Variants in CAMKMT observed in about 807,000 individuals in gnomAD.
CAMKMT encodes the protein calmodulin-lysine N-methyltransferase.
Under a neutral mutation model 48.0 loss-of-function variants are expected in CAMKMT, and 53 were observed. That is an observed-to-expected ratio of 1.10 (90% CI 0.89 to 1.39). The LOEUF is 1.39. CAMKMT is among the 40% of genes most tolerant of loss of function. CAMKMT has a pLI of 0.00. For missense variants in CAMKMT, 428 were observed against 402.7 expected, an observed-to-expected ratio of 1.06 and a Z score of -0.54; for synonymous variants, 165 against 152.3, an observed-to-expected ratio of 1.08 and a Z score of -0.61.
intron 3 of CAMKMT, among the ~76,000 whole-genome samples, chr2:44,576,623 T>C (rs1161769466): frequency 6.6e-6 from 1 of 152,156 alleles, no homozygotes; most frequent in African/African-American, 2.4e-5. Flanking sequence ...ATTTTGTGAC[T>C]TACACTGATA....
intron 2 of CAMKMT, among the ~76,000 whole-genome samples, 175 bp from the exon 3 acceptor site, chr2:44,390,066 A>G (rs1219944790): frequency 6.6e-6 from 1 of 152,182 alleles, no homozygotes; most frequent in Non-Finnish European, 1.5e-5. Context: ...TGAGGACCAT[A>G]CTGTTATTTC....
intron 8 of CAMKMT, among the ~76,000 whole-genome samples, chr2:44,750,681 C>T (rs1233661343): frequency 6.6e-6 from 1 of 152,148 alleles, no homozygotes; most frequent in Non-Finnish European, 1.5e-5. Flanking sequence ...TCTACTGTGT[C>T]CTCAGCTGTT....
chr2:44,597,735 G>C (rs1257302041), intron 3 of CAMKMT, among the ~76,000 whole-genome samples: 1 of 151,910 alleles, frequency 6.6e-6, no homozygotes, highest in African/African-American at 2.4e-5. Context: ...TTTTTTGTTT[G>C]TTTGTTTGTT....
rs537607789 is a variant in CAMKMT, at chr2:44,563,290, C to T, written c.377-140993C>T. Among the ~76,000 whole-genome samples, 6 of 151,610 alleles carry T rather than the reference C, an allele frequency of 4.0e-5. No homozygotes were observed. The South Asian group carries it at 8.5e-4, about 21-fold the overall frequency. The stretch of plus-strand genomic sequence containing the variant: ...TTATACTACCTGTACTGTTTTATAA[C>T]CTGACTTTTTTTACTTCAAAATGTA... On this transcript the variant is annotated intron_variant, in intron 3 of 10. Transcript: ENST00000378494.
intron 3 of CAMKMT, among the ~76,000 whole-genome samples, chr2:44,574,380 T>C (rs1237895972): frequency 2.0e-5 from 3 of 152,136 alleles, no homozygotes; most frequent in African/African-American, 7.2e-5. Context: ...CGGCCCCTAA[T>C]TATCTGATAT....
rs1388952197 is a variant in CAMKMT, at chr2:44,362,210, C to G, written c.138+65C>G. On this transcript the variant is annotated intron_variant, in intron 1 of 10. Coordinates refer to ENST00000378494, the MANE Select transcript of CAMKMT (RefSeq NM_024766.5). ...ACTCCTCTCTCACGTACCGGGGGAG[C>G]GACTGTTCGCAGTTCTTTCCTCTTG... is the stretch of plus-strand genomic sequence containing the variant. 3 of 1,331,748 alleles carry G rather than the reference C, an allele frequency of 2.3e-6. No individual in the cohort carries two copies. The African/African-American group carries it at 4.7e-5, about 21-fold the overall frequency. 82.5% of individuals were successfully genotyped at this position (1,331,748 alleles called of 1,614,324 possible).
chr2:44,362,170 C>A, intron 1 of CAMKMT, 25 bp downstream of exon 1: 2 of 1,448,110 alleles, frequency 1.4e-6, no homozygotes, highest in Non-Finnish European at 9.0e-7. Context: ...GCTCGCCTCA[C>A]CTTTGCCTCT....
intron 3 of CAMKMT, among the ~76,000 whole-genome samples, chr2:44,488,535 C>G (rs1395958773): frequency 2.0e-5 from 3 of 151,528 alleles, no homozygotes; most frequent in Non-Finnish European, 4.4e-5. Flanking sequence ...TTATTAATAA[C>G]TTATTTGTAT....
In CAMKMT at chr2:44,700,243, G is replaced by A. The variant is rs577556734; in HGVS notation, c.377-4040G>A. On this transcript the variant is annotated intron_variant, in intron 3 of 10. Coordinates refer to ENST00000378494, the MANE Select transcript of CAMKMT (RefSeq NM_024766.5). ...TTTGGCTTAAGAGAACGTTGTGGCT[G>A]GTTTGATCTATCCAGACCACTAAAA... is the stretch of plus-strand genomic sequence containing the variant. Among the ~76,000 whole-genome samples the A allele has an allele frequency of 5.3e-5, 8 of 152,284 alleles. No homozygotes were observed. The South Asian group carries it at 1.5e-3, about 28-fold the overall frequency.
At chr2:44,516,048 T>C (rs1383647858) in intron 3 of CAMKMT, among the ~76,000 whole-genome samples, 2 of 152,306 alleles carry the variant, frequency 1.3e-5, no homozygotes, top group South Asian at 2.1e-4. Flanking sequence ...TCAGGAAATA[T>C]GTACTAGAAG....
intron 3 of CAMKMT, among the ~76,000 whole-genome samples, chr2:44,666,612 C>CTTTT (rs1293884982): frequency 2.2e-5 from 3 of 133,972 alleles, no homozygotes; most frequent in African/African-American, 8.8e-5. Flanking sequence ...CTCCTGGAAT[C>CTTTT]TTTTTTTTTT....
intron 3 of CAMKMT, among the ~76,000 whole-genome samples, chr2:44,677,477 G>A (rs1223976692): frequency 6.6e-6 from 1 of 152,142 alleles, no homozygotes; most frequent in African/African-American, 2.4e-5. Context: ...GCTGTCCAGA[G>A]TAGCCAGGCC....
At position 44,680,252 on chromosome 2, in the gene CAMKMT, T is replaced by C. The variant is rs111622257; in HGVS notation, c.377-24031T>C. ...ACTGACTTTTAAAGTGTTTAGTGGA[T>C]AATAGATCATGTAAGGTCAGTGCTA... On this transcript the variant is annotated intron_variant, in intron 3 of 10. Transcript: ENST00000378494. Among the ~76,000 whole-genome samples the C allele has an allele frequency of 5.7e-4, 87 of 152,290 alleles. 1 individual carries two copies. In the Middle Eastern group the frequency reaches 0.017, roughly 30 times the overall value.
chr2:44,474,158 G>A (rs1375141609), intron 3 of CAMKMT, among the ~76,000 whole-genome samples: 1 of 151,964 alleles, frequency 6.6e-6, no homozygotes, highest in Middle Eastern at 3.2e-3. Context: ...AATTTAGTAA[G>A]CATTGGGCCG....
intron 3 of CAMKMT, among the ~76,000 whole-genome samples, chr2:44,559,114 A>G (rs796095362): frequency 3.9e-5 from 6 of 152,334 alleles, no homozygotes; most frequent in African/African-American, 1.2e-4. Flanking sequence ...TCAAAGGCTT[A>G]GATCCACTAA....
chr2:44,417,799 T>C (rs1683660224), intron 3 of CAMKMT, among the ~76,000 whole-genome samples: 1 of 152,240 alleles, frequency 6.6e-6, no homozygotes, highest in South Asian at 2.1e-4. Flanking sequence ...CTGATGACGA[T>C]GACGTTGAAC....
chr2:44,506,297 C>T (rs866693758), intron 3 of CAMKMT, among the ~76,000 whole-genome samples: 1 of 152,206 alleles, frequency 6.6e-6, no homozygotes, highest in Middle Eastern at 3.4e-3. Flanking sequence ...TTGAAGACTA[C>T]TTGTATACCT....
At chr2:44,649,404 GCA>G (rs1372511307) in intron 3 of CAMKMT, among the ~76,000 whole-genome samples, 3 of 152,018 alleles carry the variant, frequency 2.0e-5, no homozygotes, top group African/African-American at 7.3e-5. Flanking sequence ...TTGGATAATT[GCA>G]ATATGATGTG....
At chr2:44,412,689 A>G (rs1683292523) in intron 3 of CAMKMT, among the ~76,000 whole-genome samples, 1 of 152,144 alleles carries the variant, frequency 6.6e-6, no homozygotes, top group African/African-American at 2.4e-5. Context: ...AGCCTTCTAA[A>G]ACTATTTTGA....
Sources: allele counts gnomAD v4.1 joint callset (sites outside exome capture counted in the v4.1 genomes callset), GRCh38; gene constraint gnomAD v4.1.1; transcripts MANE v1.5; gene names NCBI Gene and HGNC (gene_info 2026-07-23, HGNC 2026-07-21).